LRP1B: variants seen among roughly 807,000 people sequenced by gnomAD.
The protein encoded by LRP1B is low-density lipoprotein receptor-related protein 1B.
In LRP1B, 217 loss-of-function variants were observed where a neutral mutation model predicts 556.6. The observed-to-expected ratio is 0.39, with a 90% CI of 0.35 to 0.44. LRP1B has a LOEUF of 0.44. LRP1B is among the 20% of genes least tolerant of loss of function. The pLI is 1.00. For missense variants in LRP1B, 5,053 were observed against 5,620.8 expected (o/e 0.90, Z 3.23); for synonymous variants, 2,047 against 1,865.8 (o/e 1.10, Z -2.50).
chr2:140,767,968 G>T (rs79857913), intron 35 of LRP1B, among the ~76,000 whole-genome samples: 1 of 151,744 alleles, frequency 6.6e-6, no homozygotes, highest in Non-Finnish European at 1.5e-5. Flanking sequence ...TAAGAGACAA[G>T]GTAGATTATT....
chr2:141,566,452 T>G (rs183712044), intron 2 of LRP1B, among the ~76,000 whole-genome samples: 2 of 152,308 alleles, frequency 1.3e-5, no homozygotes, highest in Admixed American at 1.3e-4. Context: ...TTGTATAATT[T>G]TCCATATGGA....
chr2:140,434,122 T>A (rs1230186042), intron 66 of LRP1B, among the ~76,000 whole-genome samples: 1 of 151,942 alleles, frequency 6.6e-6, no homozygotes, highest in East Asian at 1.9e-4. Context: ...CAGGCTGGAG[T>A]GTAGTGGTGC....
chr2:141,544,399 CCTCCTCCTCCTCCTT>C lies in LRP1B; in HGVS notation c.206-63881_206-63867del, dbSNP rs1245057764. ...TTCTTCTTCTCCTCCTCCTCCTCCT[CCTCCTCCTCCTCCTT>C]CTCCTCCTTCTCCTCCTTCTCCTCC... is the stretch of plus-strand genomic sequence containing the variant. On this transcript the variant is annotated intron_variant, in intron 2 of 90. Transcript: ENST00000389484. Among the ~76,000 whole-genome samples the C allele has an allele frequency of 1.9e-3, 119 of 61,676 alleles. 1 individual carries two copies. Among genetic ancestry groups the C allele is most frequent in the Admixed American group, 3.2e-3 (14 of 4,444 alleles). 40.5% of individuals were successfully genotyped at this position (61,676 alleles called of 152,430 possible). A position where few individuals can be genotyped will look rare whatever the true frequency, so the allele number is the denominator to read the frequency against.
intron 2 of LRP1B, among the ~76,000 whole-genome samples, chr2:141,589,371 T>G (rs1687252992): frequency 6.6e-6 from 1 of 152,162 alleles, no homozygotes; most frequent in Admixed American, 6.6e-5. Flanking sequence ...CATCAGGGAT[T>G]ATAAAAGTTT....
rs147591564 is a variant in LRP1B at position 142,026,461 on chromosome 2, C to A, written c.82+104187G>T. ...CTATGTGATAAATAACACCTTAGAG[C>A]TTTTCCAAATCGTCATTTCTTATGA... is the stretch of plus-strand genomic sequence containing the variant. On this transcript the variant is annotated intron_variant, in intron 1 of 90. Transcript: ENST00000389484. 4.0e-3 allele frequency among the ~76,000 whole-genome samples: 614 copies of A among 152,186 alleles called. 2 individuals carry two copies. The highest frequency in any genetic ancestry group is 7.3e-3 in the Non-Finnish European group (494 of 67,990).
chr2:140,867,930 T>G, intron 26 of LRP1B, 96 bp from the exon 27 acceptor site: 1 of 1,357,704 alleles, frequency 7.4e-7, no homozygotes, highest in South Asian at 1.7e-5. Context: ...AAAAAGGTAT[T>G]TTATAAATAT....
At chr2:141,460,405 G>T (rs1681817867) in intron 3 of LRP1B, among the ~76,000 whole-genome samples, 1 of 152,092 alleles carries the variant, frequency 6.6e-6, no homozygotes, top group Non-Finnish European at 1.5e-5. Flanking sequence ...GGAAGAATTG[G>T]CAATTATGGG....
intron 7 of LRP1B, among the ~76,000 whole-genome samples, chr2:141,067,123 T>C (rs1181894339): frequency 6.6e-6 from 1 of 151,996 alleles, no homozygotes; most frequent in African/African-American, 2.4e-5. Flanking sequence ...TTTTATGCCA[T>C]TGTACCTTGT....
chr2:140,492,626 G>A lies in LRP1B; in HGVS notation c.9102C>T (p.Asn3034=), dbSNP rs1391682569. The change falls in exon 57 of 91, where the codon AAC becomes AAT. Residue 3034 remains asparagine, a synonymous_variant. Transcript: ENST00000389484. The stretch of plus-strand genomic sequence containing the variant: ...GTCATACCTGTTTTAAAAGTGTGTA[G>A]TTGGAGCCATCAGTGCTAATTTTCC... ...EIRKISTDGS[N]YTLLKQGLNN... The A allele has an allele frequency of 6.2e-7, 1 of 1,613,386 alleles. No individual in the cohort carries two copies. The highest frequency in any genetic ancestry group is 8.5e-7 in the Non-Finnish European group (1 of 1,179,386).
intron 60 of LRP1B, among the ~76,000 whole-genome samples, chr2:140,460,880 C>A (rs72897895): frequency 0.042 from 6,373 of 151,836 alleles, 196 homozygotes; most frequent in Non-Finnish European, 0.065. Context: ...ATAAATAAAT[C>A]AAAGAAATAC....
intron 2 of LRP1B, among the ~76,000 whole-genome samples, chr2:141,606,124 T>C (rs1687910795): frequency 2.0e-5 from 3 of 152,208 alleles, no homozygotes; most frequent in Admixed American, 2.0e-4. Flanking sequence ...ACCATGATGC[T>C]CTTCCATGGG....
At chr2:140,505,745 A>G (rs1396125436) in intron 53 of LRP1B, among the ~76,000 whole-genome samples, 1 of 152,220 alleles carries the variant, frequency 6.6e-6, no homozygotes, top group Admixed American at 6.5e-5. Flanking sequence ...AGTGAGATTC[A>G]TATCAAAGGC....
At chr2:140,234,332 T>C (rs1680602603) in intron 90 of LRP1B, among the ~76,000 whole-genome samples, 2 of 151,244 alleles carry the variant, frequency 1.3e-5, no homozygotes. Flanking sequence ...TGAAACATGT[T>C]TTTGAGAGTG....
rs540957293 is a variant in LRP1B at position 140,280,123 on chromosome 2, A to T, written c.12968-5525T>A. Among the ~76,000 whole-genome samples, 3 of 151,904 alleles carry T rather than the reference A, an allele frequency of 2.0e-5. No individual in the cohort carries two copies. In the South Asian group the frequency reaches 6.2e-4, roughly 31 times the overall value. On this transcript the variant is annotated intron_variant, in intron 84 of 90. Coordinates refer to ENST00000389484, the MANE Select transcript of LRP1B (RefSeq NM_018557.3). ...TGAAAAACTTAGTAATTTCCCCAAA[A>T]ATAAAGGAGACAGTAGGCAGCAAAG...
In LRP1B at chr2:140,287,136, T is replaced by A. The variant is rs146195813; in HGVS notation, c.12967+10672A>T. ...AAATCTAGATTCTCATTTGACATAT[T>A]CTAGGAGTGTGAACTCAGACTATAC... On this transcript the variant is annotated intron_variant, in intron 84 of 90. Transcript: ENST00000389484. 6.6e-5 allele frequency among the ~76,000 whole-genome samples: 10 copies of A among 151,962 alleles called. No individual in the cohort carries two copies. The East Asian group carries it at 1.7e-3, about 27-fold the overall frequency.
chr2:142,000,987 C>T (rs1258203522), intron 1 of LRP1B, among the ~76,000 whole-genome samples: 1 of 152,090 alleles, frequency 6.6e-6, no homozygotes, highest in Admixed American at 6.6e-5. Context: ...GGGGTGGTTT[C>T]CCCCATACTG....
intron 41 of LRP1B, among the ~76,000 whole-genome samples, chr2:140,640,019 T>C (rs1574177462): frequency 6.6e-6 from 1 of 152,226 alleles, no homozygotes; most frequent in Non-Finnish European, 1.5e-5. Flanking sequence ...GTTTGTTTTT[T>C]TAAGACAGAG....
intron 1 of LRP1B, among the ~76,000 whole-genome samples, chr2:141,898,191 C>T (rs1055673537): frequency 1.3e-5 from 2 of 152,062 alleles, no homozygotes; most frequent in African/African-American, 4.8e-5. Flanking sequence ...CAAACAAAAC[C>T]TTGATATGCT....
chr2:141,382,745 G>A (rs531485606), intron 3 of LRP1B, among the ~76,000 whole-genome samples: 1 of 152,276 alleles, frequency 6.6e-6, no homozygotes, highest in Admixed American at 6.5e-5. Flanking sequence ...AATTTTCCTT[G>A]AGCAAGTTGA....
Sources: gnomAD v4.1 joint callset for allele counts (sites outside exome capture counted in the v4.1 genomes callset) on GRCh38, gnomAD v4.1.1 for gene constraint, MANE v1.5 for transcripts, NCBI Gene and HGNC (gene_info 2026-07-23, HGNC 2026-07-21) for gene names.